Variants in ARHGEF40 observed in about 807,000 individuals in gnomAD.
The protein encoded by ARHGEF40 is Rho guanine nucleotide exchange factor 40.
A neutral mutation model predicts 165.9 loss-of-function variants in ARHGEF40; 98 were observed. The ratio of observed to expected loss-of-function variants is 0.59; its 90% confidence interval spans 0.50 to 0.70. The LOEUF (loss-of-function observed/expected upper bound fraction) is 0.70. Ranked by LOEUF, ARHGEF40 falls within the 30% of genes least tolerant of loss-of-function variation. The probability of loss-of-function intolerance (pLI) is 0.00; values close to 1 mark genes in which losing one functional copy is unlikely to be tolerated. For missense variants in ARHGEF40, 1,815 were observed against 1,968.0 expected (o/e 0.92, Z 1.47); for synonymous variants, 792 against 814.3 (o/e 0.97, Z 0.47).
intron 21 of ARHGEF40, 108 bp downstream of exon 21, chr14:21,087,571 A>G (rs1170919960): frequency 6.8e-7 from 1 of 1,472,112 alleles, no homozygotes. Context: ...CCCAGTTGCC[A>G]TGACAACTAT....
In ARHGEF40 at chr14:21,087,350, C is replaced by A; in HGVS notation, c.4274C>A (p.Ser1425Ter). The change falls in exon 21 of 24, where the codon TCA becomes TAA. Residue 1425 changes from serine (S) to a stop codon, truncating the protein, a stop_gained. Transcript: ENST00000298694. LOFTEE classifies it high-confidence loss of function. ...CGCACCCGGGCCTCCGTGGCCGTGT[C>A]ATCCTTTGAGCATGCCGGCCCCTCC... ...AARTRASVAV[S>*]SFEHAGPSLP... 6.2e-7 allele frequency: 1 copy of A among 1,606,708 alleles called. No individual in the cohort carries two copies. Among genetic ancestry groups the A allele is most frequent in the African/African-American group, 1.3e-5 (1 of 75,066 alleles).
chr14:21,074,848 G>A lies in ARHGEF40; in HGVS notation c.1118G>A (p.Arg373Gln), dbSNP rs202017004. 248 of 1,609,868 alleles carry A rather than the reference G, an allele frequency of 1.5e-4. 1 individual carries two copies. The highest frequency in any genetic ancestry group is 1.8e-4 in the Non-Finnish European group (217 of 1,178,364). ...GCTGAAGGACCACCTGGTACCCCTC[G>A]GAGAACAGGCAAAGGAAACAGAAGA... is the stretch of plus-strand genomic sequence containing the variant. ...QGAEGPPGTPRRTGKGNRRKK... is the reference protein window; with the variant it reads ...QGAEGPPGTPQRTGKGNRRKK... The change falls in exon 3 of 24, where the codon CGG becomes CAG. Residue 373 changes from arginine (R) to glutamine (Q), a missense_variant. Physicochemically the swap from Arg to Gln is conservative, Grantham distance 43. Transcript: ENST00000298694. The surrounding 1 kb of genome is among the most constrained non-coding windows in gnomAD (Gnocchi z 4.8).
intron 7 of ARHGEF40, 21 bp downstream of exon 7, chr14:21,076,664 T>C (rs766528542): frequency 5.0e-6 from 8 of 1,604,942 alleles, no homozygotes; most frequent in Middle Eastern, 1.7e-4. Context: ...TTCATTCCCA[T>C]CTAGTTTCCC....
At chr14:21,086,775 T>C (rs1193875871) in intron 19 of ARHGEF40, 2 of 506,582 alleles carry the variant, frequency 3.9e-6, no homozygotes, top group Non-Finnish European at 7.2e-6. Flanking sequence ...GGATGCAACA[T>C]ATTGGAGAGA....
intron 18 of ARHGEF40, 139 bp from the exon 19 acceptor site, chr14:21,085,550 G>A (rs556506378): frequency 1.4e-4 from 131 of 967,364 alleles, no homozygotes; most frequent in Non-Finnish European, 1.9e-4. Context: ...TAAACGTAGA[G>A]CACTTGGCAC....
rs764224246 is a variant in ARHGEF40 at position 21,078,200 on chromosome 14, G to C, written c.2058G>C (p.Leu686=). The change falls in exon 9 of 24, where the codon CTG becomes CTC. Residue 686 remains leucine (L), a synonymous_variant. Coordinates refer to ENST00000298694, the MANE Select transcript of ARHGEF40 (RefSeq NM_018071.5). ...IHQEVVRLCR[L]CQGVLGSVRQ... is the part of the protein sequence containing the mutation. ...AGGAAGTGGTAAGGCTATGTCGCCT[G>C]TGCCAAGGTGTGCTGGGCTCGGTAC... is the stretch of plus-strand genomic sequence containing the variant. 1.9e-5 allele frequency: 30 copies of C among 1,613,878 alleles called. No individual in the cohort carries two copies. The highest frequency in any genetic ancestry group is 2.5e-5 in the Non-Finnish European group (30 of 1,179,946).
rs1886705324 is a variant in ARHGEF40 at position 21,070,702 on chromosome 14, G to A, written c.3+303G>A. 2 of 1,137,368 alleles carry A rather than the reference G, an allele frequency of 1.8e-6. No individual in the cohort carries two copies. The highest frequency in any genetic ancestry group is 1.5e-5 in the African/African-American group (1 of 65,316). 70.5% of individuals were successfully genotyped at this position (1,137,368 alleles called of 1,614,324 possible). On this transcript the variant is annotated intron_variant, in intron 1 of 23. Coordinates refer to ENST00000298694, the MANE Select transcript of ARHGEF40 (RefSeq NM_018071.5). This position sits in a 1 kb window ranked among gnomAD's most constrained non-coding sequence, Gnocchi z 4.7. ...TCCCCGCCCTCCTCTGTCCTGACCT[G>A]TGCCTTCCTTTCCTGGAGCTTCCCT...
Position 21,076,623 on chromosome 14 carries a change from A to G in ARHGEF40, c.1897A>G (p.Thr633Ala), listed in dbSNP as rs760186088. 7 of 1,613,852 alleles carry G rather than the reference A, an allele frequency of 4.3e-6. No homozygotes were observed. Among genetic ancestry groups the G allele is most frequent in the Non-Finnish European group, 5.9e-6 (7 of 1,179,980 alleles). The change falls in exon 7 of 24, where the codon ACT (threonine) becomes GCT (alanine). Residue 633 changes from threonine to alanine, a missense_variant. Physicochemically the swap from Thr to Ala is moderately conservative, Grantham distance 58. Coordinates refer to ENST00000298694, the MANE Select transcript of ARHGEF40 (RefSeq NM_018071.5). ...GATTCTCATTCATGATGACCTTCCA[A>G]CTGAACTCTGTGGATTTCAGGTTTG... Reference protein sequence around the residue: ...LLILIHDDLPTELCGFQGAEV... With the variant: ...LLILIHDDLPAELCGFQGAEV...
chr14:21,067,768 A>AC (rs1886349622), upstream of ARHGEF40, among the ~76,000 whole-genome samples: 1 of 151,578 alleles, frequency 6.6e-6, no homozygotes, highest in African/African-American at 2.4e-5. Context: ...ACGTACACAC[A>AC]CACACACACA....
rs1387175454 is a variant in ARHGEF40 at position 21,078,359 on chromosome 14, C to T, written c.2131-14C>T. On this transcript the variant is annotated splice_polypyrimidine_tract_variant and intron_variant, in intron 9 of 23. Coordinates refer to ENST00000298694, the MANE Select transcript of ARHGEF40 (RefSeq NM_018071.5). ...CTGGTGGAACCCCAACTGGCAACTC[C>T]TCCCTATCCCCAGGAGGCAGTGGGA... 2 of 1,597,780 alleles carry T rather than the reference C, an allele frequency of 1.3e-6. No individual in the cohort carries two copies. The highest frequency in any genetic ancestry group is 2.3e-5 in the South Asian group (2 of 88,720).
At chr14:21,087,795 G>C in intron 21 of ARHGEF40, 173 bp from the exon 22 acceptor site, 1 of 862,140 alleles carries the variant, frequency 1.2e-6, no homozygotes, top group South Asian at 1.6e-5. Context: ...CTCTAATGAT[G>C]CTGCTGACAA....
At chr14:21,065,522 CTATTA>C (rs1394354589), upstream of ARHGEF40, among the ~76,000 whole-genome samples, 2 of 152,130 alleles carry the variant, frequency 1.3e-5, no homozygotes, top group Non-Finnish European at 2.9e-5. Flanking sequence ...AAAGGTGAGT[CTATTA>C]TGATAGACAG....
At chr14:21,069,563 C>G (rs1011167184), upstream of ARHGEF40, among the ~76,000 whole-genome samples, 1 of 152,224 alleles carries the variant, frequency 6.6e-6, no homozygotes, top group Non-Finnish European at 1.5e-5. Context: ...ATCCGGGAAC[C>G]CTGCCCCCTT....
chr14:21,088,222 G>A (rs1255094520), intron 22 of ARHGEF40, 124 bp downstream of exon 22: 20 of 1,234,440 alleles, frequency 1.6e-5, no homozygotes, highest in Non-Finnish European at 2.0e-5. Context: ...CCCAGCTGAG[G>A]CTACAGTCTG....
chr14:21,069,209 AC>A (rs897540014), upstream of ARHGEF40, among the ~76,000 whole-genome samples: 1 of 151,438 alleles, frequency 6.6e-6, no homozygotes, highest in Non-Finnish European at 1.5e-5. Context: ...CTCCTGGGAG[AC>A]CCCCCATCTG....
At chr14:21,088,975 C>T in intron 23 of ARHGEF40, 39 bp from the exon 24 acceptor site, 1 of 1,190,520 alleles carries the variant, frequency 8.4e-7, no homozygotes, top group South Asian at 1.3e-5. Flanking sequence ...AGCTTCTTCC[C>T]TCTCCCAACT....
chr14:21,067,097 A>G (rs1365087365), upstream of ARHGEF40, among the ~76,000 whole-genome samples: 2 of 151,916 alleles, frequency 1.3e-5, no homozygotes, highest in African/African-American at 4.8e-5. Context: ...TAAAACCCCA[A>G]CCCTCCATAA....
intron 11 of ARHGEF40, among the ~76,000 whole-genome samples, chr14:21,080,245 CACA>C (rs1887786407): frequency 9.7e-6 from 1 of 103,200 alleles, no homozygotes; most frequent in African/African-American, 3.5e-5. Flanking sequence ...CACACACACA[CACA>C]CCCCTTCTGT....
In ARHGEF40 at chr14:21,078,462, G is replaced by A. The variant is rs535451443; in HGVS notation, c.2220G>A (p.Met740Ile). Residue 740 changes from methionine (M) to isoleucine (I), a missense_variant, in exon 10 of 24, where the codon ATG (methionine) becomes ATA (isoleucine). Coordinates refer to ENST00000298694, the MANE Select transcript of ARHGEF40 (RefSeq NM_018071.5). ...ALQRDGGAIL[M>I]RLRSTPSSKL... is the part of the protein sequence containing the mutation. ...AGAGGGATGGGGGGGCCATCCTGATGAGGCTGCGCTCCACTCCCAGCAGCA... is the reference window on the plus strand; with the variant it reads ...AGAGGGATGGGGGGGCCATCCTGATAAGGCTGCGCTCCACTCCCAGCAGCA... 3.1e-6 allele frequency: 5 copies of A among 1,605,874 alleles called. No individual in the cohort carries two copies. The highest frequency in any genetic ancestry group is 1.7e-5 in the Admixed American group (1 of 59,272).
Sources: gnomAD v4.1 joint callset for allele counts (sites outside exome capture counted in the v4.1 genomes callset) on GRCh38, gnomAD v4.1.1 for gene constraint, Gnocchi (gnomAD v3.1) non-coding constraint, MANE v1.5 for transcripts, NCBI Gene and HGNC (gene_info 2026-07-23, HGNC 2026-07-21) for gene names.